The following DDR2 variants were observed in gnomAD, a reference collection of about 807,000 sequenced individuals.
The protein encoded by DDR2 is discoidin domain receptor tyrosine kinase 2, also known as discoidin domain-containing receptor 2.
In DDR2, 27 loss-of-function variants were observed where a neutral mutation model predicts 94.9. The observed-to-expected ratio is 0.28, with a 90% CI of 0.21 to 0.39. DDR2 has a LOEUF of 0.39. DDR2 is among the 10% of genes least tolerant of loss of function. DDR2 has a pLI of 1.00. For synonymous variants in DDR2, 382 were observed against 377.2 expected (o/e 1.01, Z -0.15); for missense variants, 783 against 1,076.0 (o/e 0.73, Z 3.81).
chr1:162,729,094 C>A (rs370174634), intron 3 of DDR2, among the ~76,000 whole-genome samples: 72 of 150,640 alleles, frequency 4.8e-4, no homozygotes, highest in African/African-American at 1.6e-3. Flanking sequence ...ACAACAGTTT[C>A]TATCAAGCAG....
Position 162,770,283 on chromosome 1 carries a change from C to T in DDR2, c.1294-19C>T, listed in dbSNP as rs1664198723. ...CTCTTTTGTGCCAACATGCCTTTCT[C>T]CTTGCTCTTCTCTTCCAGGCTTCTC... On this transcript the variant is annotated intron_variant, in intron 11 of 17. Coordinates refer to ENST00000367921, the MANE Select transcript of DDR2 (RefSeq NM_006182.4). 1.2e-6 allele frequency: 2 copies of T among 1,613,146 alleles called. No homozygotes were observed. Among genetic ancestry groups the T allele is most frequent in the Admixed American group, 1.7e-5 (1 of 59,968 alleles).
intron 3 of DDR2, among the ~76,000 whole-genome samples, chr1:162,751,473 C>T (rs1663190026): frequency 6.6e-6 from 1 of 152,108 alleles, no homozygotes; most frequent in African/African-American, 2.4e-5. Context: ...GTTAGAATGG[C>T]AATCATTAAA....
chr1:162,633,767 A>G (rs1656675285), intron 1 of DDR2, among the ~76,000 whole-genome samples: 1 of 152,232 alleles, frequency 6.6e-6, no homozygotes, highest in Non-Finnish European at 1.5e-5. Context: ...AATGATGTCT[A>G]TGGTTATATT....
At chr1:162,662,947 G>A (rs551579222) in intron 2 of DDR2, among the ~76,000 whole-genome samples, 127 of 152,160 alleles carry the variant, frequency 8.3e-4, no homozygotes, top group Non-Finnish European at 1.5e-3. Flanking sequence ...GGGTTGACAC[G>A]GGACAGAGGA....
intron 1 of DDR2, among the ~76,000 whole-genome samples, chr1:162,641,505 T>C (rs1657125789): frequency 6.6e-6 from 1 of 152,200 alleles, no homozygotes; most frequent in Non-Finnish European, 1.5e-5. Context: ...GCAAAGACCA[T>C]GTCTTAGGTG....
chr1:162,684,267 CCTT>C (rs1659552109), intron 2 of DDR2, among the ~76,000 whole-genome samples: 1 of 152,100 alleles, frequency 6.6e-6, no homozygotes, highest in African/African-American at 2.4e-5. Context: ...GAACATCCTT[CCTT>C]CTTCCTTCCA....
intron 2 of DDR2, among the ~76,000 whole-genome samples, chr1:162,656,480 CTGG>C (rs1657971284): frequency 6.6e-6 from 1 of 152,084 alleles, no homozygotes. Context: ...CTTTAGCTTC[CTGG>C]TGGTAATAAT....
At chr1:162,645,795 A>G (rs1657378103) in intron 1 of DDR2, among the ~76,000 whole-genome samples, 1 of 152,154 alleles carries the variant, frequency 6.6e-6, no homozygotes. Context: ...TAATTTTTTA[A>G]ATTGTTTACT....
At chr1:162,643,265 C>T (rs1015210569) in intron 1 of DDR2, among the ~76,000 whole-genome samples, 21 of 152,066 alleles carry the variant, frequency 1.4e-4, no homozygotes, top group African/African-American at 4.8e-4. Context: ...AAAGTTCCAC[C>T]TCTAGGTTTC....
At position 162,755,222 on chromosome 1, in the gene DDR2, A is replaced by G. The variant is rs1334754696; in HGVS notation, c.484A>G (p.Arg162Gly). The G allele has an allele frequency of 6.2e-7, 1 of 1,614,116 alleles. No homozygotes were observed. The highest frequency in any genetic ancestry group is 8.5e-7 in the Non-Finnish European group (1 of 1,180,016). ...LKDLEPPIVA[R>G]FVRFIPVTDH... ...GGACTTGGAGCCGCCCATTGTAGCC[A>G]GATTTGTCCGGTTCATTCCAGTCAC... Residue 162 changes from arginine (R) to glycine (G), a missense_variant, in exon 6 of 18, where the codon AGA (arginine) becomes GGA (glycine). Around this residue, in one of 2 missense-constraint regions of DDR2, gnomAD observed 519 missense variants for 647.9 expected, o/e 0.80. Coordinates refer to ENST00000367921, the MANE Select transcript of DDR2 (RefSeq NM_006182.4).
At chr1:162,694,001 G>A (rs568038366) in intron 2 of DDR2, among the ~76,000 whole-genome samples, 58 of 152,166 alleles carry the variant, frequency 3.8e-4, no homozygotes, top group Admixed American at 2.9e-3. Context: ...TCAGCCTCTC[G>A]AGTAGCTGGG....
At chr1:162,739,965 G>GA (rs200038654) in intron 3 of DDR2, among the ~76,000 whole-genome samples, 4,020 of 127,446 alleles carry the variant, frequency 0.032, 74 homozygotes, top group African/African-American at 0.042. Context: ...AATGGAACCT[G>GA]AAAAAAAAAA....
chr1:162,708,134 G>A (rs1571224686), intron 2 of DDR2, among the ~76,000 whole-genome samples: 1 of 152,164 alleles, frequency 6.6e-6, no homozygotes, highest in South Asian at 2.1e-4. Context: ...CCTGAGTCTT[G>A]AGTATGTTAA....
At chr1:162,690,129 A>T (rs1321577694) in intron 2 of DDR2, among the ~76,000 whole-genome samples, 2 of 152,004 alleles carry the variant, frequency 1.3e-5, no homozygotes, top group Admixed American at 1.3e-4. Context: ...CACTTTCTAA[A>T]TACTTTACAT....
intron 13 of DDR2, among the ~76,000 whole-genome samples, chr1:162,773,064 C>A (rs562902379): frequency 1.4e-4 from 21 of 152,280 alleles, no homozygotes; most frequent in Non-Finnish European, 2.9e-4. Flanking sequence ...ACAGGAGTTT[C>A]TTATAATGCT....
intron 3 of DDR2, among the ~76,000 whole-genome samples, chr1:162,727,974 TATAGATATAATCACA>T (rs1558049749): frequency 9.9e-5 from 14 of 141,460 alleles, no homozygotes; most frequent in African/African-American, 3.6e-4. Flanking sequence ...TATATATATA[TATAGATATAATCACA>T]CTATATATAT....
intron 3 of DDR2, among the ~76,000 whole-genome samples, chr1:162,725,601 A>T (rs1661623199): frequency 6.6e-6 from 1 of 151,388 alleles, no homozygotes; most frequent in South Asian, 2.1e-4. Context: ...CTGGTCTTGA[A>T]CTCCTGACCT....
At chr1:162,696,214 T>A (rs201591569) in intron 2 of DDR2, among the ~76,000 whole-genome samples, 2,843 of 137,258 alleles carry the variant, frequency 0.021, 77 homozygotes, top group African/African-American at 0.067. Flanking sequence ...TTTTTTTTTT[T>A]AAAAAAAAAA....
At chr1:162,646,551 G>A (rs1020030010) in intron 1 of DDR2, among the ~76,000 whole-genome samples, 16 of 152,090 alleles carry the variant, frequency 1.1e-4, no homozygotes, top group African/African-American at 3.6e-4. Flanking sequence ...TGGCAGCAGC[G>A]GAATTTGAAC....
Sources: gnomAD v4.1 joint callset for allele counts (sites outside exome capture counted in the v4.1 genomes callset) on GRCh38, gnomAD v4.1.1 for gene constraint, gnomAD v4.1.1 regional missense constraint, MANE v1.5 for transcripts, NCBI Gene and HGNC (gene_info 2026-07-23, HGNC 2026-07-21) for gene names.